The following MDGA2 variants were observed in gnomAD, a reference collection of about 807,000 sequenced individuals.
MDGA2 encodes the protein MAM domain-containing glycosylphosphatidylinositol anchor protein 2.
MDGA2 carries 40 observed loss-of-function variants against 117.8 expected under a neutral mutation model. That is an observed-to-expected ratio of 0.34 (90% CI 0.26 to 0.44). The LOEUF is 0.44. Ranked by LOEUF, MDGA2 falls within the 20% of genes least tolerant of loss-of-function variation. MDGA2 has a pLI of 1.00. For synonymous variants in MDGA2, 452 were observed against 439.0 expected, an observed-to-expected ratio of 1.03 and a Z score of -0.37; for missense variants, 1,123 against 1,250.6, an observed-to-expected ratio of 0.90 and a Z score of 1.54.
intron 1 of MDGA2, among the ~76,000 whole-genome samples, chr14:47,332,393 T>C (rs1890317983): frequency 6.6e-6 from 1 of 151,942 alleles, no homozygotes; most frequent in African/African-American, 2.4e-5. Flanking sequence ...CCAAACAACA[T>C]TAAAACAATG....
chr14:46,995,712 C>T (rs1313350685), intron 8 of MDGA2, among the ~76,000 whole-genome samples: 2 of 151,710 alleles, frequency 1.3e-5, no homozygotes, highest in Non-Finnish European at 2.9e-5. Context: ...AAAATCAGTT[C>T]ACACACTTAA....
intron 8 of MDGA2, among the ~76,000 whole-genome samples, chr14:47,032,037 G>A (rs995126770): frequency 2.0e-5 from 3 of 151,950 alleles, no homozygotes; most frequent in African/African-American, 7.3e-5. Flanking sequence ...ATTTTTTTGT[G>A]TGTTTACACA....
At chr14:47,219,991 C>T (rs1387319074) in intron 2 of MDGA2, among the ~76,000 whole-genome samples, 1 of 151,682 alleles carries the variant, frequency 6.6e-6, no homozygotes, top group Non-Finnish European at 1.5e-5. Context: ...TTACCAGAAG[C>T]AAATATTGTT....
intron 1 of MDGA2, among the ~76,000 whole-genome samples, chr14:47,467,372 A>G (rs746066023): frequency 2.0e-5 from 3 of 152,138 alleles, no homozygotes; most frequent in Non-Finnish European, 4.4e-5. Flanking sequence ...AAGCAAAAGG[A>G]AATCTGAAAG....
intron 1 of MDGA2, among the ~76,000 whole-genome samples, chr14:47,475,599 G>C (rs933231448): frequency 2.6e-5 from 4 of 152,122 alleles, no homozygotes; most frequent in African/African-American, 9.7e-5. Flanking sequence ...TGATAGACTG[G>C]ATAAAGAAAA....
chr14:47,090,283 C>T (rs148956773), intron 6 of MDGA2, among the ~76,000 whole-genome samples: 171 of 151,916 alleles, frequency 1.1e-3, no homozygotes, highest in South Asian at 2.7e-3. Flanking sequence ...AAATTCATGC[C>T]TCATTGAATA....
chr14:47,196,848 T>G (rs1439118165), intron 3 of MDGA2, among the ~76,000 whole-genome samples: 1 of 152,200 alleles, frequency 6.6e-6, no homozygotes, highest in Non-Finnish European at 1.5e-5. Context: ...GTCCCCAGTC[T>G]ATTGTTCCCT....
At chr14:46,902,180 TG>T (rs1384584527) in intron 10 of MDGA2, among the ~76,000 whole-genome samples, 2 of 152,230 alleles carry the variant, frequency 1.3e-5, no homozygotes, top group African/African-American at 4.8e-5. Flanking sequence ...TTAGTTTAGT[TG>T]ATTTTTTTCA....
At chr14:47,281,030 A>C (rs1051050958) in intron 2 of MDGA2, among the ~76,000 whole-genome samples, 1 of 147,866 alleles carries the variant, frequency 6.8e-6, no homozygotes, top group Admixed American at 6.8e-5. Flanking sequence ...TAAAATATAT[A>C]ATTAATATAA....
At chr14:47,563,908 A>G (rs917068385) in intron 1 of MDGA2, among the ~76,000 whole-genome samples, 1 of 151,816 alleles carries the variant, frequency 6.6e-6, no homozygotes, top group Non-Finnish European at 1.5e-5. Context: ...TTTCCCTTCC[A>G]TGTTTAGCAC....
chr14:47,284,740 A>T (rs1220566006), intron 2 of MDGA2, among the ~76,000 whole-genome samples: 4 of 152,086 alleles, frequency 2.6e-5, no homozygotes, highest in African/African-American at 9.7e-5. Flanking sequence ...GAATATTAGA[A>T]CCTGGAGTGG....
chr14:47,190,780 C>T (rs538768407), intron 3 of MDGA2, among the ~76,000 whole-genome samples: 8 of 152,144 alleles, frequency 5.3e-5, no homozygotes, highest in South Asian at 2.1e-4. Flanking sequence ...TATGGAACTA[C>T]CTAAATCAAT....
chr14:47,067,408 CT>C (rs1250811255), intron 6 of MDGA2, among the ~76,000 whole-genome samples: 6 of 152,138 alleles, frequency 3.9e-5, no homozygotes, highest in Non-Finnish European at 7.4e-5. Flanking sequence ...AGGCATTTCC[CT>C]TATGAGCATC....
chr14:47,237,221 T>A (rs1337194954), intron 2 of MDGA2, among the ~76,000 whole-genome samples: 2 of 152,006 alleles, frequency 1.3e-5, no homozygotes, highest in East Asian at 1.9e-4. Context: ...TCCTAAAATC[T>A]AAAACACCTT....
At chr14:47,416,668 G>A (rs1057475429) in intron 1 of MDGA2, among the ~76,000 whole-genome samples, 1 of 152,152 alleles carries the variant, frequency 6.6e-6, no homozygotes, top group African/African-American at 2.4e-5. Context: ...AAATCTAGGT[G>A]GAGGTAGGTA....
chr14:47,530,744 T>G (rs1486959137), intron 1 of MDGA2, among the ~76,000 whole-genome samples: 6 of 152,168 alleles, frequency 3.9e-5, no homozygotes, highest in Admixed American at 3.9e-4. Context: ...CATGTTGCAT[T>G]GCAGGCTGCT....
intron 5 of MDGA2, among the ~76,000 whole-genome samples, chr14:47,128,509 T>C (rs986051889): frequency 2.6e-5 from 4 of 152,242 alleles, no homozygotes; most frequent in African/African-American, 9.6e-5. Context: ...AAATTAGTTA[T>C]AAGGCACAAT....
chr14:46,890,176 GT>G (rs1212958651), intron 10 of MDGA2, among the ~76,000 whole-genome samples: 1 of 151,870 alleles, frequency 6.6e-6, no homozygotes, highest in African/African-American at 2.4e-5. Context: ...TAAATACTAG[GT>G]TTTCAAGGCT....
chr14:47,172,201 C>A (rs991441082), intron 3 of MDGA2, among the ~76,000 whole-genome samples: 10 of 152,292 alleles, frequency 6.6e-5, no homozygotes, highest in Non-Finnish European at 1.3e-4. Flanking sequence ...CCTCTGTAGG[C>A]CCCGCCTCTG....
Sources: gnomAD v4.1 joint callset for allele counts (sites outside exome capture counted in the v4.1 genomes callset) on GRCh38, gnomAD v4.1.1 for gene constraint, MANE v1.5 for transcripts, NCBI Gene and HGNC (gene_info 2026-07-23, HGNC 2026-07-21) for gene names.